PCDHGB1: variants seen among roughly 807,000 people sequenced by gnomAD.
PCDHGB1 encodes protocadherin gamma subfamily B, 1, also known as protocadherin gamma-B1.
A neutral mutation model predicts 56.6 loss-of-function variants in PCDHGB1; 34 were observed. That is an observed-to-expected ratio of 0.60 (90% CI 0.46 to 0.80). The LOEUF (loss-of-function observed/expected upper bound fraction) is 0.80. Ranked by LOEUF, PCDHGB1 falls within the 30% of genes least tolerant of loss-of-function variation. The probability of loss-of-function intolerance (pLI) is 0.00; values close to 1 mark genes in which losing one functional copy is unlikely to be tolerated. For missense variants in PCDHGB1, 1,278 were observed against 1,204.6 expected (o/e 1.06, Z -0.90); for synonymous variants, 561 against 505.9 (o/e 1.11, Z -1.46).
intron 1 of PCDHGB1, chr5:141,375,303 A>T: frequency 3.1e-6 from 5 of 1,613,850 alleles, no homozygotes; most frequent in Non-Finnish European, 4.2e-6. Context: ...TTAGTGACAA[A>T]TGCAGCTCTA....
intron 1 of PCDHGB1, chr5:141,420,239 C>G (rs984335177): frequency 1.3e-6 from 2 of 1,593,300 alleles, no homozygotes; most frequent in African/African-American, 2.7e-5. Flanking sequence ...CATTTTAACT[C>G]CCAGCGTTGA....
intron 1 of PCDHGB1, chr5:141,388,609 T>G: frequency 6.2e-7 from 1 of 1,613,926 alleles, no homozygotes; most frequent in Non-Finnish European, 8.5e-7. Context: ...GCTCCAGTGT[T>G]CAGTCAAGAC....
intron 1 of PCDHGB1, among the ~76,000 whole-genome samples, chr5:141,494,382 G>C (rs1311387598): frequency 6.6e-6 from 1 of 152,182 alleles, no homozygotes; most frequent in Non-Finnish European, 1.5e-5. Flanking sequence ...CCCAGCTGAG[G>C]AGTTGAATAA....
chr5:141,394,317 T>C, intron 1 of PCDHGB1: 1 of 1,613,972 alleles, frequency 6.2e-7, no homozygotes, highest in Non-Finnish European at 8.5e-7. Flanking sequence ...GGCGCCCCTG[T>C]CCTCGTATAT....
At position 141,493,841 on chromosome 5, in the gene PCDHGB1, T is replaced by C. The variant is rs774682943; in HGVS notation, c.2410-966T>C. On this transcript the variant is annotated intron_variant, in intron 1 of 3. Transcript: ENST00000523390. The surrounding 1 kb of genome is among the most constrained non-coding windows in gnomAD (Gnocchi z 4.3). ...CTCTGCTTCTGGGAGCAAGTATGAGTATTAATTACCAGCCCACCCCAGAAC... is the reference window on the plus strand; with the variant it reads ...CTCTGCTTCTGGGAGCAAGTATGAGCATTAATTACCAGCCCACCCCAGAAC... Among the ~76,000 whole-genome samples the C allele has an allele frequency of 3.3e-5, 5 of 152,140 alleles. No homozygotes were observed. In the East Asian group the frequency reaches 9.7e-4, roughly 29 times the overall value.
At chr5:141,457,063 G>A (rs1477613746) in intron 1 of PCDHGB1, among the ~76,000 whole-genome samples, 1 of 152,104 alleles carries the variant, frequency 6.6e-6, no homozygotes, top group East Asian at 1.9e-4. Context: ...CTTCCTTTTT[G>A]CCAGTAACTA....
intron 1 of PCDHGB1, chr5:141,366,251 A>T: frequency 6.2e-7 from 1 of 1,613,620 alleles, no homozygotes; most frequent in East Asian, 2.2e-5. Flanking sequence ...GCTCAAGCAG[A>T]GCCTCGTGGT....
rs767330174 is a variant in PCDHGB1, at chr5:141,491,818, C to T, written c.2410-2989C>T. The T allele has an allele frequency of 1.6e-5, 24 of 1,481,560 alleles. No homozygotes were observed. The highest frequency in any genetic ancestry group is 1.9e-5 in the Non-Finnish European group (21 of 1,116,446). 91.8% of individuals were successfully genotyped at this position (1,481,560 alleles called of 1,614,324 possible). A position where few individuals can be genotyped will look rare whatever the true frequency, so the allele number is the denominator to read the frequency against. On this transcript the variant is annotated intron_variant, in intron 1 of 3. Transcript: ENST00000523390. This position sits in a 1 kb window ranked among gnomAD's most constrained non-coding sequence, Gnocchi z 6.9. ...CTCCGGCCGGCTTGGTCGCTGGCTGCGCTCCACCCGATTCTCGGGATCATT... is the reference window on the plus strand; with the variant it reads ...CTCCGGCCGGCTTGGTCGCTGGCTGTGCTCCACCCGATTCTCGGGATCATT...
chr5:141,433,093 G>A (rs1203083573), intron 1 of PCDHGB1: 4 of 1,614,206 alleles, frequency 2.5e-6, no homozygotes, highest in Admixed American at 1.7e-5. Flanking sequence ...ATGCAGACAT[G>A]CTCGTCAGCC....
chr5:141,359,594 A>C (rs1761263639), intron 1 of PCDHGB1, among the ~76,000 whole-genome samples: 1 of 151,908 alleles, frequency 6.6e-6, no homozygotes, highest in Non-Finnish European at 1.5e-5. Flanking sequence ...ACAACTAAAA[A>C]AGCAATGTGC....
At chr5:141,441,386 G>A (rs2098243752) in intron 1 of PCDHGB1, 1 of 153,358 alleles carries the variant, frequency 6.5e-6, no homozygotes, top group African/African-American at 2.4e-5. Flanking sequence ...ACAGACCCAA[G>A]GTATAACATC....
intron 1 of PCDHGB1, among the ~76,000 whole-genome samples, chr5:141,405,839 G>C (rs2094725144): frequency 6.6e-6 from 1 of 152,134 alleles, no homozygotes; most frequent in African/African-American, 2.4e-5. Context: ...AGTATAAGTT[G>C]ATATCAGTGT....
At chr5:141,449,537 C>A (rs1377909573) in intron 1 of PCDHGB1, among the ~76,000 whole-genome samples, 1 of 146,334 alleles carries the variant, frequency 6.8e-6, no homozygotes, top group Non-Finnish European at 1.5e-5. Flanking sequence ...TGCAGTGAGC[C>A]GAGATCGCAC....
intron 1 of PCDHGB1, among the ~76,000 whole-genome samples, chr5:141,380,589 G>C (rs1372737584): frequency 6.6e-6 from 1 of 152,156 alleles, no homozygotes; most frequent in South Asian, 2.1e-4. Flanking sequence ...GTCTAGTAAA[G>C]ATCTTTAATA....
chr5:141,366,043 T>C (rs1041453851), intron 1 of PCDHGB1: 3 of 1,614,242 alleles, frequency 1.9e-6, no homozygotes, highest in African/African-American at 2.7e-5. Flanking sequence ...CCACAGACGG[T>C]TCCACGGGCG....
intron 1 of PCDHGB1, chr5:141,374,252 CAGG>C: frequency 6.2e-7 from 1 of 1,613,982 alleles, no homozygotes; most frequent in South Asian, 1.1e-5. Context: ...ACTGGAGCCC[CAGG>C]AGTTGGCGGA....
At chr5:141,389,412 G>C (rs1039259671) in intron 1 of PCDHGB1, 21 of 1,613,470 alleles carry the variant, frequency 1.3e-5, no homozygotes, top group Non-Finnish European at 1.3e-5. Flanking sequence ...CGCGGAGAGC[G>C]GGGTGGTGTT....
intron 1 of PCDHGB1, chr5:141,410,447 C>G (rs760711107): frequency 1.2e-6 from 2 of 1,613,984 alleles, no homozygotes; most frequent in Non-Finnish European, 1.7e-6. Context: ...GGGGACTTTG[C>G]CTTATTCTTA....
Position 141,350,643 on chromosome 5 carries a change from C to T in PCDHGB1, c.383C>T (p.Pro128Leu), listed in dbSNP as rs76289268. 4.5e-4 allele frequency: 728 copies of T among 1,613,956 alleles called. 1 individual carries two copies. In the East Asian group the frequency reaches 0.011, roughly 24 times the overall value. Residue 128 changes from proline (P) to leucine (L), a missense_variant, in exon 1 of 4, where the codon CCA (proline) becomes CTA (leucine). Pro to Leu is a moderately conservative substitution (Grantham distance 98). Coordinates refer to ENST00000523390, the MANE Select transcript of PCDHGB1 (RefSeq NM_018922.3). ...VVIQDINDNA[P>L]RFVAKGIDLE... ...ATCCAAGATATTAATGACAATGCAC[C>T]ACGTTTCGTTGCAAAAGGCATTGAC...
Sources: allele counts gnomAD v4.1 joint callset (sites outside exome capture counted in the v4.1 genomes callset), GRCh38; gene constraint gnomAD v4.1.1; non-coding constraint Gnocchi (gnomAD v3.1); transcripts MANE v1.5; gene names NCBI Gene and HGNC (gene_info 2026-07-23, HGNC 2026-07-21).